The following EXOC6B variants were observed in gnomAD, a reference collection of about 807,000 sequenced individuals.
EXOC6B encodes SEC15 homolog B.
In EXOC6B, 54 loss-of-function variants were observed where a neutral mutation model predicts 113.5. The observed-to-expected ratio is 0.48, with a 90% CI of 0.38 to 0.60. The LOEUF is 0.60. Ranked by LOEUF, EXOC6B falls within the 20% of genes least tolerant of loss-of-function variation. EXOC6B has a pLI of 0.00. For synonymous variants in EXOC6B, 357 were observed against 339.0 expected (o/e 1.05, Z -0.58); for missense variants, 797 against 977.5 (o/e 0.82, Z 2.46).
intron 20 of EXOC6B, among the ~76,000 whole-genome samples, chr2:72,263,757 T>TCACAGC (rs1165965879): frequency 3.3e-5 from 5 of 152,122 alleles, no homozygotes; most frequent in African/African-American, 1.2e-4. Context: ...GATGATAAAG[T>TCACAGC]CACAGCCACA....
chr2:72,218,923 C>T (rs1318921727), intron 20 of EXOC6B, among the ~76,000 whole-genome samples: 1 of 148,660 alleles, frequency 6.7e-6, no homozygotes, highest in African/African-American at 2.5e-5. Flanking sequence ...GCTGGGATTA[C>T]AGGCATGAGC....
chr2:72,306,922 A>G (rs1686895549), intron 20 of EXOC6B, among the ~76,000 whole-genome samples: 1 of 152,178 alleles, frequency 6.6e-6, no homozygotes, highest in South Asian at 2.1e-4. Flanking sequence ...AAGTGAGATT[A>G]CTTTCATGTT....
intron 6 of EXOC6B, among the ~76,000 whole-genome samples, chr2:72,663,858 A>T (rs1215973482): frequency 6.6e-6 from 1 of 152,208 alleles, no homozygotes; most frequent in East Asian, 1.9e-4. Context: ...TTTAGTTAAT[A>T]ATAATGCATC....
chr2:72,306,415 T>C (rs1269668285), intron 20 of EXOC6B, among the ~76,000 whole-genome samples: 1 of 152,230 alleles, frequency 6.6e-6, no homozygotes, highest in East Asian at 1.9e-4. Context: ...CATTACTTTG[T>C]TGTACATTTT....
At chr2:72,239,463 A>T (rs554088106) in intron 20 of EXOC6B, among the ~76,000 whole-genome samples, 5 of 152,312 alleles carry the variant, frequency 3.3e-5, no homozygotes, top group African/African-American at 1.2e-4. Context: ...TTGTCTTTGC[A>T]TACTTGTCAA....
chr2:72,626,522 T>C (rs2104233388), intron 6 of EXOC6B, among the ~76,000 whole-genome samples: 1 of 152,292 alleles, frequency 6.6e-6, no homozygotes, highest in Non-Finnish European at 1.5e-5. Context: ...TAGCTTTCCT[T>C]GACCATTCCA....
chr2:72,353,563 A>G, intron 19 of EXOC6B, among the ~76,000 whole-genome samples: 1 of 151,864 alleles, frequency 6.6e-6, no homozygotes, highest in East Asian at 1.9e-4. Context: ...TAGTAGAGAC[A>G]GGGTTTCACC....
At chr2:72,624,455 T>C (rs1436593558) in intron 6 of EXOC6B, among the ~76,000 whole-genome samples, 1 of 152,170 alleles carries the variant, frequency 6.6e-6, no homozygotes, top group Non-Finnish European at 1.5e-5. Flanking sequence ...GATGCTCTGA[T>C]TTTGACCGGG....
chr2:72,499,767 C>T, intron 12 of EXOC6B, 134 bp downstream of exon 12: 1 of 615,152 alleles, frequency 1.6e-6, no homozygotes, highest in Non-Finnish European at 2.9e-6. Flanking sequence ...CTCTTGGACT[C>T]AAGCAATTCT....
At chr2:72,625,843 T>G (rs528918936) in intron 6 of EXOC6B, among the ~76,000 whole-genome samples, 1 of 152,346 alleles carries the variant, frequency 6.6e-6, no homozygotes, top group African/African-American at 2.4e-5. Context: ...AATTCACATG[T>G]GGTCATCATT....
rs1687768886 is a variant in EXOC6B at position 72,320,170 on chromosome 2, G to A, written c.2196+14777C>T. ...TTCTTAAGAAATTGACAAATTGATTGTAAGATATATATATTTATATATATT... is the reference window on the plus strand; with the variant it reads ...TTCTTAAGAAATTGACAAATTGATTATAAGATATATATATTTATATATATT... On this transcript the variant is annotated intron_variant, in intron 20 of 21. Transcript: ENST00000272427. Among the ~76,000 whole-genome samples, 3 of 149,176 alleles carry A rather than the reference G, an allele frequency of 2.0e-5. No individual in the cohort carries two copies. In the South Asian group the frequency reaches 6.2e-4, roughly 31 times the overall value.
chr2:72,648,166 G>A (rs1357367394), intron 6 of EXOC6B, among the ~76,000 whole-genome samples: 1 of 152,130 alleles, frequency 6.6e-6, no homozygotes, highest in African/African-American at 2.4e-5. Flanking sequence ...GCAGCCAACA[G>A]ACACATGAAA....
chr2:72,667,828 C>G (rs1241152013), intron 6 of EXOC6B, among the ~76,000 whole-genome samples: 2 of 152,134 alleles, frequency 1.3e-5, no homozygotes, highest in African/African-American at 4.8e-5. Context: ...GAATTTATGG[C>G]TAAGTCCTCA....
intron 16 of EXOC6B, among the ~76,000 whole-genome samples, chr2:72,485,973 CT>C (rs1326944543): frequency 6.6e-6 from 1 of 152,200 alleles, no homozygotes; most frequent in Non-Finnish European, 1.5e-5. Context: ...ATAAATACTA[CT>C]GTAAATTATA....
intron 15 of EXOC6B, among the ~76,000 whole-genome samples, chr2:72,494,646 A>G (rs1699936978): frequency 6.6e-6 from 1 of 152,162 alleles, no homozygotes; most frequent in Admixed American, 6.5e-5. Flanking sequence ...TGTTGAACAA[A>G]GATAAAATGT....
intron 6 of EXOC6B, among the ~76,000 whole-genome samples, chr2:72,612,698 A>G (rs1453484658): frequency 1.3e-5 from 2 of 152,238 alleles, no homozygotes; most frequent in Admixed American, 6.5e-5. Context: ...GCCTGAGCAG[A>G]AAGACAGAAG....
rs191932162 is a variant in EXOC6B, at chr2:72,734,209, A to T, written c.280-1091T>A. Among the ~76,000 whole-genome samples, 38 of 152,314 alleles carry T rather than the reference A, an allele frequency of 2.5e-4. No homozygotes were observed. The East Asian group carries it at 4.0e-3, about 16-fold the overall frequency. On this transcript the variant is annotated intron_variant, in intron 2 of 21. Transcript: ENST00000272427. The stretch of plus-strand genomic sequence containing the variant: ...AACGATACACTATACCTGGACTATC[A>T]TTCAAAGCAGATTACCATATGCACC...
chr2:72,715,243 G>A (rs1374030011), intron 6 of EXOC6B, among the ~76,000 whole-genome samples: 5 of 151,712 alleles, frequency 3.3e-5, no homozygotes, highest in Admixed American at 6.6e-5. Context: ...TAAAATAAAC[G>A]TTTGTTCAGA....
At chr2:72,604,599 T>C (rs1008451015) in intron 6 of EXOC6B, among the ~76,000 whole-genome samples, 1 of 152,190 alleles carries the variant, frequency 6.6e-6, no homozygotes, top group African/African-American at 2.4e-5. Flanking sequence ...CAGAGAGTGA[T>C]AGAAACAAGA....
Sources: allele counts gnomAD v4.1 joint callset (sites outside exome capture counted in the v4.1 genomes callset), GRCh38; gene constraint gnomAD v4.1.1; transcripts MANE v1.5; gene names NCBI Gene and HGNC (gene_info 2026-07-23, HGNC 2026-07-21).